ADAM28: variants seen among roughly 807,000 people sequenced by gnomAD.
ADAM28 encodes the protein disintegrin and metalloproteinase domain-containing protein 28.
A neutral mutation model predicts 101.2 loss-of-function variants in ADAM28; 105 were observed. The ratio of observed to expected loss-of-function variants is 1.04; its 90% CI spans 0.89 to 1.22. The LOEUF is 1.22. ADAM28 is among the 50% of genes most tolerant of loss of function. The pLI, the probability that ADAM28 is intolerant of heterozygous loss-of-function variation, is 0.00. For missense variants in ADAM28, 1,028 were observed against 945.4 expected (o/e 1.09, Z -1.15); for synonymous variants, 322 against 310.6 (o/e 1.04, Z -0.39).
At position 24,331,338 on chromosome 8, in the gene ADAM28, T is replaced by C; in HGVS notation, c.1281+11T>C. On this transcript the variant is annotated intron_variant, in intron 12 of 22. Transcript: ENST00000265769. The stretch of plus-strand genomic sequence containing the variant: ...TGTGGGACATCTGAGGTATGGCCAA[T>C]CACTTTCTAAAACGATCTAGTTGGT... 1 of 1,583,194 alleles carries C rather than the reference T, an allele frequency of 6.3e-7. No homozygotes were observed. Among genetic ancestry groups the C allele is most frequent in the Non-Finnish European group, 8.6e-7 (1 of 1,167,238 alleles).
At chr8:24,330,152 C>T in intron 11 of ADAM28, 37 bp downstream of exon 11, 3 of 1,597,218 alleles carry the variant, frequency 1.9e-6, no homozygotes, top group Non-Finnish European at 2.6e-6. Context: ...TGCTATGTAG[C>T]CCTGGTTTTG....
chr8:24,329,436 C>T (rs76700005), intron 10 of ADAM28, among the ~76,000 whole-genome samples: 2,143 of 152,240 alleles, frequency 0.014, 54 homozygotes, highest in African/African-American at 0.049. Flanking sequence ...TATCTGCAAG[C>T]TTGGAGTTGA....
chr8:24,343,220 C>G, intron 17 of ADAM28, 39 bp downstream of exon 17: 1 of 1,595,712 alleles, frequency 6.3e-7, no homozygotes, highest in Non-Finnish European at 8.6e-7. Context: ...CTCTCTGAAT[C>G]TTATGACATT....
intron 1 of ADAM28, among the ~76,000 whole-genome samples, chr8:24,297,651 C>T (rs1288676436): frequency 6.6e-6 from 1 of 152,168 alleles, no homozygotes; most frequent in Non-Finnish European, 1.5e-5. Flanking sequence ...TGTAATGTAC[C>T]AGGCAGCACG....
At chr8:24,300,987 C>G (rs375929723) in intron 2 of ADAM28, 1 of 152,116 alleles carries the variant, frequency 6.6e-6, no homozygotes, top group African/African-American at 2.4e-5. Context: ...TTTATTAATT[C>G]TAAGAGAAAA....
At chr8:24,296,840 CA>C (rs1238890153) in intron 1 of ADAM28, among the ~76,000 whole-genome samples, 1 of 152,152 alleles carries the variant, frequency 6.6e-6, no homozygotes, top group Non-Finnish European at 1.5e-5. Flanking sequence ...GTTTGTTCCT[CA>C]GGCTTCAAAA....
rs763696532 is a variant in ADAM28, at chr8:24,330,146, A to G, written c.1103+31A>G. The G allele has an allele frequency of 3.1e-6, 5 of 1,600,898 alleles. No individual in the cohort carries two copies. The Admixed American group carries it at 5.1e-5, about 16-fold the overall frequency. ...GCTCTCTGGGCCCTGGGGACATGCTATGTAGCCCTGGTTTTGATCCACTGT... is the reference window on the plus strand; with the variant it reads ...GCTCTCTGGGCCCTGGGGACATGCTGTGTAGCCCTGGTTTTGATCCACTGT... On this transcript the variant is annotated intron_variant, in intron 11 of 22. Transcript: ENST00000265769.
At chr8:24,346,967 A>G (rs754879061) in intron 18 of ADAM28, 1 of 152,114 alleles carries the variant, frequency 6.6e-6, no homozygotes. Flanking sequence ...GTCACCAGAG[A>G]CATACATTTG....
chr8:24,314,661 C>A (rs1030757043), intron 6 of ADAM28, among the ~76,000 whole-genome samples: 1 of 152,026 alleles, frequency 6.6e-6, no homozygotes, highest in Non-Finnish European at 1.5e-5. Context: ...ACCCAGAATA[C>A]TCCAATATTT....
In ADAM28 at chr8:24,357,182, A is replaced by C. The variant is rs1585778463; in HGVS notation, c.*2778A>C. On this transcript the variant is annotated 3_prime_UTR_variant, in exon 23 of 23. Transcript: ENST00000265769. ...ACTTCAGCCTTGTGAGACACCCTGA[A>C]GTAGAGGATGCAGCTAAATTTTGTC... is the stretch of plus-strand genomic sequence containing the variant. The C allele has an allele frequency of 6.6e-6, 1 of 152,184 alleles. No individual in the cohort carries two copies. 9.4% of individuals were successfully genotyped at this position (152,184 alleles called of 1,614,324 possible). A position where few individuals can be genotyped will look rare whatever the true frequency, so the allele number is the denominator to read the frequency against.
intron 1 of ADAM28, among the ~76,000 whole-genome samples, chr8:24,294,514 C>T (rs1047732921): frequency 1.3e-5 from 2 of 152,086 alleles, no homozygotes; most frequent in African/African-American, 4.8e-5. Flanking sequence ...AAGTGGAATT[C>T]ATCAAAACCC....
rs552203370 is a variant in ADAM28 at position 24,338,657 on chromosome 8, G to A, written c.1568-809G>A. 1.7e-3 allele frequency among the ~76,000 whole-genome samples: 259 copies of A among 152,254 alleles called. 2 individuals carry two copies. The highest frequency in any genetic ancestry group is 0.017 in the Middle Eastern group (5 of 294). Reference sequence around the variant, plus strand: ...AAAAGTATTTCTTAAAAACAATGCCGTATCTTCATAGGTGTTTATTTTAAC... The same window carrying A: ...AAAAGTATTTCTTAAAAACAATGCCATATCTTCATAGGTGTTTATTTTAAC... On this transcript the variant is annotated intron_variant, in intron 14 of 22. Transcript: ENST00000265769.
At chr8:24,343,058 G>C (rs182827287) in intron 16 of ADAM28, 43 bp from the exon 17 acceptor site, 4 of 1,612,500 alleles carry the variant, frequency 2.5e-6, no homozygotes, top group South Asian at 1.1e-5. Context: ...TCTCATCTAC[G>C]TTCAGAGAAG....
intron 13 of ADAM28, among the ~76,000 whole-genome samples, chr8:24,334,870 A>G (rs1210980805): frequency 1.3e-5 from 2 of 152,240 alleles, no homozygotes; most frequent in Non-Finnish European, 2.9e-5. Flanking sequence ...CTGAGTTAGT[A>G]TATCAAGTGA....
At chr8:24,304,588 G>T (rs1208834257) in intron 2 of ADAM28, among the ~76,000 whole-genome samples, 1 of 152,080 alleles carries the variant, frequency 6.6e-6, no homozygotes, top group Non-Finnish European at 1.5e-5. Flanking sequence ...GCTATGGGCT[G>T]GGTGCATTGG....
chr8:24,353,959 G>A lies in ADAM28; in HGVS notation c.2307+127G>A, dbSNP rs1252447816. 7 of 586,160 alleles carry A rather than the reference G, an allele frequency of 1.2e-5. No individual in the cohort carries two copies. In the Admixed American group the frequency reaches 1.9e-4, roughly 16 times the overall value. 36.3% of individuals were successfully genotyped at this position (586,160 alleles called of 1,614,324 possible). The stretch of plus-strand genomic sequence containing the variant: ...GTATCTGTATGATTTGGAGATGGGT[G>A]CCAACATGAAAGTCTTATTTCTCGG... On this transcript the variant is annotated intron_variant, in intron 22 of 22. Transcript: ENST00000265769.
intron 13 of ADAM28, among the ~76,000 whole-genome samples, chr8:24,333,247 A>G (rs942319137): frequency 3.3e-5 from 5 of 152,170 alleles, no homozygotes; most frequent in Admixed American, 2.0e-4. Flanking sequence ...TCTAATGTAC[A>G]ACATGACTAT....
intron 1 of ADAM28, chr8:24,296,130 T>A (rs1385602174): frequency 6.6e-6 from 1 of 152,170 alleles, no homozygotes; most frequent in Non-Finnish European, 1.5e-5. Context: ...AATGATTGCA[T>A]CAACAAAGGA....
At chr8:24,303,614 G>A (rs1480764442) in intron 2 of ADAM28, among the ~76,000 whole-genome samples, 1 of 152,058 alleles carries the variant, frequency 6.6e-6, no homozygotes, top group Non-Finnish European at 1.5e-5. Context: ...AGATTGTCTT[G>A]GCTATACAGG....
Sources: gnomAD v4.1 joint callset for allele counts (sites outside exome capture counted in the v4.1 genomes callset) on GRCh38, gnomAD v4.1.1 for gene constraint, MANE v1.5 for transcripts, NCBI Gene and HGNC (gene_info 2026-07-23, HGNC 2026-07-21) for gene names.